Variants in GRAMD2B observed in about 807,000 individuals in gnomAD.
The protein encoded by GRAMD2B is GRAM domain containing 2B.
Under a neutral mutation model 59.2 loss-of-function variants are expected in GRAMD2B, and 41 were observed. The ratio of observed to expected loss-of-function variants is 0.69; its 90% CI spans 0.54 to 0.90. GRAMD2B has a LOEUF of 0.90. Among genes scored for constraint, GRAMD2B ranks in the 40% least tolerant of loss-of-function variants. The pLI is 0.00. For missense variants in GRAMD2B, 424 were observed against 500.5 expected (o/e 0.85, Z 1.46); for synonymous variants, 161 against 182.7 (o/e 0.88, Z 0.96).
intron 1 of GRAMD2B, among the ~76,000 whole-genome samples, chr5:126,424,998 C>A (rs1760350613): frequency 6.6e-6 from 1 of 152,188 alleles, no homozygotes; most frequent in African/African-American, 2.4e-5. Context: ...TCTATGATGG[C>A]CTTCCATGGC....
chr5:126,360,152 A>G (rs1754155912), exon 1 of GRAMD2B: 1 of 610,188 alleles, frequency 1.6e-6, no homozygotes, highest in Non-Finnish European at 2.9e-6. Context: ...GTGGGTTTCA[A>G]GTGCGGCTGG....
At chr5:126,478,057 T>C (rs1042758191) in intron 6 of GRAMD2B, among the ~76,000 whole-genome samples, 2 of 147,042 alleles carry the variant, frequency 1.4e-5, no homozygotes, top group Non-Finnish European at 3.0e-5. Context: ...CTGACCAAGG[T>C]CAAAAAAATA....
intron 1 of GRAMD2B, among the ~76,000 whole-genome samples, chr5:126,394,043 G>A (rs1757099085): frequency 6.6e-6 from 1 of 152,172 alleles, no homozygotes; most frequent in Non-Finnish European, 1.5e-5. Context: ...GGGAGGCCAA[G>A]GCGGGCAGAT....
At chr5:126,430,189 C>T (rs565935843) in intron 1 of GRAMD2B, among the ~76,000 whole-genome samples, 2 of 152,218 alleles carry the variant, frequency 1.3e-5, no homozygotes, top group Admixed American at 6.5e-5. Flanking sequence ...AAGTTTGATT[C>T]GTTACCTTGA....
chr5:126,463,756 C>A lies in GRAMD2B; in HGVS notation c.84-1670C>A, dbSNP rs557420369. ...CCATTTGGCCGGGTGCAGTGGCTCA[C>A]GCCTGTAATCCCAGCACTTTGGGAG... On this transcript the variant is annotated intron_variant, in intron 1 of 13. Coordinates refer to ENST00000285689, the MANE Select transcript of GRAMD2B (RefSeq NM_023927.4). Among the ~76,000 whole-genome samples the A allele has an allele frequency of 4.7e-4, 72 of 152,308 alleles. No individual in the cohort carries two copies. In the South Asian group the frequency reaches 7.5e-3, roughly 16 times the overall value.
rs541691366 is a variant in GRAMD2B at position 126,482,369 on chromosome 5, C to T, written c.736-1094C>T. ...TTTCTTAAAAATCTACCTTGAAAAA[C>T]AGTGGTGGGAAGCAGTACAGAATAT... On this transcript the variant is annotated intron_variant, in intron 8 of 13. Coordinates refer to ENST00000285689, the MANE Select transcript of GRAMD2B (RefSeq NM_023927.4). 8.0e-4 allele frequency among the ~76,000 whole-genome samples: 122 copies of T among 152,294 alleles called. 1 individual carries two copies. The highest frequency in any genetic ancestry group is 1.4e-3 in the Admixed American group (21 of 15,296).
chr5:126,390,625 AG>A (rs1756643757), intron 1 of GRAMD2B, among the ~76,000 whole-genome samples: 1 of 152,212 alleles, frequency 6.6e-6, no homozygotes, highest in Admixed American at 6.5e-5. Flanking sequence ...TATAACCGTA[AG>A]TAAAGTAATT....
At chr5:126,434,508 T>A (rs1762078376) in intron 1 of GRAMD2B, among the ~76,000 whole-genome samples, 1 of 151,308 alleles carries the variant, frequency 6.6e-6, no homozygotes. Flanking sequence ...AATTATCCTT[T>A]TTTTTATTTT....
chr5:126,419,685 C>T (rs2149772232), upstream of GRAMD2B, among the ~76,000 whole-genome samples: 1 of 152,266 alleles, frequency 6.6e-6, no homozygotes, highest in East Asian at 1.9e-4. Flanking sequence ...CATAGAAGCT[C>T]CCACCCACCA....
rs552438832 is a variant in GRAMD2B, at chr5:126,393,112, C to A, written c.125+21545C>A. 5.9e-5 allele frequency among the ~76,000 whole-genome samples: 9 copies of A among 152,248 alleles called. No homozygotes were observed. The East Asian group carries it at 1.7e-3, about 29-fold the overall frequency. On this transcript the variant is annotated intron_variant, in intron 1 of 8. Transcript: ENST00000506445. ...TTTCTTAGACAACCTACCTTCACTA[C>A]CTTTTCCCTTTTTTCTCCCCTTCCT...
chr5:126,421,925 T>G (rs952248241), upstream of GRAMD2B, among the ~76,000 whole-genome samples: 1 of 152,152 alleles, frequency 6.6e-6, no homozygotes, highest in African/African-American at 2.4e-5. Flanking sequence ...CCCCAGAACA[T>G]AGTTAGTCGT....
At chr5:126,473,396 A>G (rs1342359423) in intron 5 of GRAMD2B, 28 bp downstream of exon 5, 2 of 804,674 alleles carry the variant, frequency 2.5e-6, no homozygotes, top group South Asian at 3.8e-5. Context: ...AAAAAATGCT[A>G]ACCCTATACT....
At chr5:126,423,403 C>T (rs1222055337), upstream of GRAMD2B, 4 of 1,364,784 alleles carry the variant, frequency 2.9e-6, no homozygotes, top group African/African-American at 6.2e-5. Flanking sequence ...CACAGTGGGT[C>T]GGACCAATCG....
chr5:126,465,588 G>A (rs1406480916), intron 2 of GRAMD2B, 43 bp downstream of exon 2: 7 of 1,584,458 alleles, frequency 4.4e-6, no homozygotes, highest in Middle Eastern at 1.7e-4. Context: ...TTGTCTTTTG[G>A]GGAGAAGGCG....
chr5:126,474,317 A>G (rs1356181977), intron 5 of GRAMD2B, among the ~76,000 whole-genome samples: 1 of 152,220 alleles, frequency 6.6e-6, no homozygotes, highest in Non-Finnish European at 1.5e-5. Context: ...ACCACTGGCA[A>G]TTGCATAAAG....
upstream of GRAMD2B, chr5:126,423,144 G>C: frequency 1.0e-6 from 1 of 994,476 alleles, no homozygotes; most frequent in Non-Finnish European, 1.2e-6. Context: ...TCCATTTCCG[G>C]TATCTAGAGC....
At chr5:126,401,214 T>A (rs1160832093) in intron 1 of GRAMD2B, among the ~76,000 whole-genome samples, 2 of 152,078 alleles carry the variant, frequency 1.3e-5, no homozygotes, top group African/African-American at 4.8e-5. Flanking sequence ...TCATGCTTGA[T>A]CAAGTTTGTT....
chr5:126,397,592 G>C (rs934757739), intron 1 of GRAMD2B, among the ~76,000 whole-genome samples: 2 of 152,018 alleles, frequency 1.3e-5, no homozygotes, highest in Non-Finnish European at 2.9e-5. Flanking sequence ...AAAGGATGTC[G>C]AACTGTGTCA....
chr5:126,414,028 C>A (rs1759054938), intron 1 of GRAMD2B, among the ~76,000 whole-genome samples: 1 of 152,058 alleles, frequency 6.6e-6, no homozygotes, highest in South Asian at 2.1e-4. Flanking sequence ...ATCTCCAGGA[C>A]AACTCCCTCA....
Sources: allele counts gnomAD v4.1 joint callset (sites outside exome capture counted in the v4.1 genomes callset), GRCh38; gene constraint gnomAD v4.1.1; transcripts MANE v1.5; gene names NCBI Gene and HGNC (gene_info 2026-07-23, HGNC 2026-07-21).